Variants in ASH1L observed in about 807,000 individuals in gnomAD.
ASH1L encodes the protein histone-lysine N-methyltransferase ASH1L.
Under a neutral mutation model 269.0 loss-of-function variants are expected in ASH1L, and 23 were observed. The observed-to-expected ratio is 0.09, with a 90% CI of 0.06 to 0.12. ASH1L has a LOEUF of 0.12. Ranked by LOEUF, ASH1L falls within the 10% of genes least tolerant of loss-of-function variation. ASH1L has a pLI of 1.00. For synonymous variants in ASH1L, 1,187 were observed against 1,253.5 expected (o/e 0.95, Z 1.12); for missense variants, 2,912 against 3,567.8 (o/e 0.82, Z 4.68).
chr1:155,443,015 A>T (rs1477084332), intron 4 of ASH1L, among the ~76,000 whole-genome samples: 1 of 152,190 alleles, frequency 6.6e-6, no homozygotes, highest in East Asian at 1.9e-4. Flanking sequence ...CACACTTCAA[A>T]TTAGTGGTTT....
At chr1:155,516,398 G>A (rs961429671) in intron 2 of ASH1L, among the ~76,000 whole-genome samples, 1 of 152,066 alleles carries the variant, frequency 6.6e-6, no homozygotes, top group Non-Finnish European at 1.5e-5. Flanking sequence ...ATCTCTGTTG[G>A]CAGACGACAC....
At position 155,346,480 on chromosome 1, in the gene ASH1L, A is replaced by G; in HGVS notation, c.7804-11T>C. 1 of 1,611,910 alleles carries G rather than the reference A, an allele frequency of 6.2e-7. No individual in the cohort carries two copies. Among genetic ancestry groups the G allele is most frequent in the Non-Finnish European group, 8.5e-7 (1 of 1,178,104 alleles). On this transcript the variant is annotated splice_polypyrimidine_tract_variant and intron_variant, in intron 20 of 27. Transcript: ENST00000392403. The stretch of plus-strand genomic sequence containing the variant: ...ACAGTGCTGCCATACCTGTAGAAAA[A>G]CATACAGTTTGGGGAACATGGAGGC...
chr1:155,370,542 G>T lies in ASH1L; in HGVS notation c.6648C>A (p.Ile2216=). 6.2e-7 allele frequency: 1 copy of T among 1,614,116 alleles called. No homozygotes were observed. The highest frequency in any genetic ancestry group is 1.1e-5 in the South Asian group (1 of 91,080). ...SYRMGNEARF[I]NHSCDPNCEM... ...CACAATTTGGGTCACAGCTATGGTT[G>T]ATGAATCGGGCCTCATTTCCCATGC... The change falls in exon 12 of 28, where the codon ATC becomes ATA. Residue 2216 remains isoleucine (I), a synonymous_variant. Transcript: ENST00000392403.
In ASH1L at chr1:155,459,904, G is replaced by GA; in HGVS notation, c.4985-7dup. 6.4e-7 allele frequency: 1 copy of GA among 1,570,194 alleles called. No individual in the cohort carries two copies. Among genetic ancestry groups the GA allele is most frequent in the Non-Finnish European group, 8.6e-7 (1 of 1,161,004 alleles). Reference sequence around the variant, plus strand: ...ATCAGAGGTTGGCTGGGAGCCTGGAGAAAGAGAAAAAGATAGAAATCATAG... The same window carrying GA: ...ATCAGAGGTTGGCTGGGAGCCTGGAGAAAAGAGAAAAAGATAGAAATCATAG... On this transcript the variant is annotated splice_region_variant and splice_polypyrimidine_tract_variant and intron_variant, in intron 3 of 27. Coordinates refer to ENST00000392403, the MANE Select transcript of ASH1L (RefSeq NM_018489.3).
intron 3 of ASH1L, among the ~76,000 whole-genome samples, chr1:155,465,302 A>C (rs556203559): frequency 7.3e-5 from 11 of 151,618 alleles, no homozygotes; most frequent in South Asian, 2.1e-4. Context: ...AAAAAAAAAA[A>C]AAAAAAAAAA....
chr1:155,359,953 T>A (rs368051568), intron 13 of ASH1L, among the ~76,000 whole-genome samples: 1 of 151,818 alleles, frequency 6.6e-6, no homozygotes, highest in Non-Finnish European at 1.5e-5. Context: ...AGTGGTGCAA[T>A]CTCGGCTCAA....
Position 155,345,174 on chromosome 1 carries a change from C to CTTTTT in ASH1L, c.7891-906_7891-902dup, listed in dbSNP as rs397981613. Among the ~76,000 whole-genome samples, 29 of 64,030 alleles carry CTTTTT rather than the reference C, an allele frequency of 4.5e-4. 2 individuals are homozygous for CTTTTT. The highest frequency in any genetic ancestry group is 5.1e-4 in the Non-Finnish European group (19 of 37,308). The allele number at this position is 64,030 out of a possible 152,430, so 42.0% of individuals were successfully genotyped here. On this transcript the variant is annotated intron_variant, in intron 21 of 27. Coordinates refer to ENST00000392403, the MANE Select transcript of ASH1L (RefSeq NM_018489.3). Reference sequence around the variant, plus strand: ...GTTTCACCATGTTAGCCAGGATGGTCTTTTTTTTTTTTTTTTTTTTTTTGG... The same window carrying CTTTTT: ...GTTTCACCATGTTAGCCAGGATGGTCTTTTTTTTTTTTTTTTTTTTTTTTTTTTGG...
chr1:155,370,202 TATC>T, intron 12 of ASH1L: 8 of 374,326 alleles, frequency 2.1e-5, no homozygotes, highest in East Asian at 5.2e-5. Context: ...CCACCCTGGC[TATC>T]ATCATCATCA....
chr1:155,490,967 CCAAAAAAAAAAAAAAA>C (rs1666734938), intron 2 of ASH1L, among the ~76,000 whole-genome samples: 3 of 56,814 alleles, frequency 5.3e-5, no homozygotes, highest in African/African-American at 1.0e-4. Context: ...GACCCTGATT[CCAAAAAAAAAAAAAAA>C]AAAAAAAAAA....
chr1:155,339,422 C>T (rs1652583725), intron 25 of ASH1L, 54 bp from the exon 26 acceptor site: 2 of 1,568,880 alleles, frequency 1.3e-6, no homozygotes, highest in African/African-American at 2.7e-5. Context: ...GGAGAGCTAG[C>T]TCTTCTCTGG....
intron 5 of ASH1L, among the ~76,000 whole-genome samples, chr1:155,435,623 G>A (rs1327775858): frequency 6.6e-6 from 1 of 150,694 alleles, no homozygotes; most frequent in Non-Finnish European, 1.5e-5. Flanking sequence ...TTATATAGGT[G>A]GATGGAAAAA....
At chr1:155,536,393 G>A (rs1670057728) in intron 1 of ASH1L, among the ~76,000 whole-genome samples, 1 of 152,166 alleles carries the variant, frequency 6.6e-6, no homozygotes, top group African/African-American at 2.4e-5. Context: ...CTCAGGCCTT[G>A]AAAAGATCAT....
At chr1:155,528,553 C>T (rs1434751369) in intron 1 of ASH1L, among the ~76,000 whole-genome samples, 1 of 151,922 alleles carries the variant, frequency 6.6e-6, no homozygotes, top group African/African-American at 2.4e-5. Flanking sequence ...CCAGGAAGAC[C>T]CAATGTTTTC....
chr1:155,358,078 A>AT (rs557978544), intron 13 of ASH1L, among the ~76,000 whole-genome samples: 72 of 151,316 alleles, frequency 4.8e-4, no homozygotes, highest in Non-Finnish European at 8.4e-4. Context: ...GCTGAGAATA[A>AT]TTTTTTTTTA....
chr1:155,432,792 G>A (rs1661703796), intron 5 of ASH1L, among the ~76,000 whole-genome samples: 1 of 152,170 alleles, frequency 6.6e-6, no homozygotes, highest in Non-Finnish European at 1.5e-5. Flanking sequence ...TTGGAGTGCA[G>A]TGGTACAATC....
chr1:155,486,735 T>A (rs1003500615), intron 2 of ASH1L, among the ~76,000 whole-genome samples: 4 of 152,130 alleles, frequency 2.6e-5, no homozygotes, highest in Non-Finnish European at 4.4e-5. Flanking sequence ...AAAACAAATA[T>A]TAAGCAGTTT....
chr1:155,389,832 A>C (rs1657764513), intron 7 of ASH1L, among the ~76,000 whole-genome samples: 1 of 151,488 alleles, frequency 6.6e-6, no homozygotes, highest in African/African-American at 2.4e-5. Flanking sequence ...TGATTTTTTA[A>C]TACTGATGAT....
In ASH1L at chr1:155,386,411, G is replaced by A. The variant is rs1657434053; in HGVS notation, c.6104-6295C>T. ...TTTATTATTATTGTTGTTTTGAGAC[G>A]GAGTCTTACTTTTTTGCCTAGGCTG... On this transcript the variant is annotated intron_variant, in intron 7 of 27. Coordinates refer to ENST00000392403, the MANE Select transcript of ASH1L (RefSeq NM_018489.3). Among the ~76,000 whole-genome samples the A allele has an allele frequency of 3.3e-5, 5 of 151,662 alleles. No homozygotes were observed. In the South Asian group the frequency reaches 1.0e-3, roughly 32 times the overall value.
intron 2 of ASH1L, among the ~76,000 whole-genome samples, chr1:155,496,001 A>T (rs559157432): frequency 5.9e-5 from 9 of 151,566 alleles, no homozygotes; most frequent in Admixed American, 2.0e-4. Context: ...TGTCTCAATT[A>T]AAAAAAAATA....
Sources: allele counts gnomAD v4.1 joint callset (sites outside exome capture counted in the v4.1 genomes callset), GRCh38; gene constraint gnomAD v4.1.1; transcripts MANE v1.5; gene names NCBI Gene and HGNC (gene_info 2026-07-23, HGNC 2026-07-21).